The following TMEM26 variants were observed in gnomAD, a reference collection of about 807,000 sequenced individuals.
TMEM26 encodes transmembrane protein 26.
TMEM26 carries 38 observed loss-of-function variants against 28.8 expected under a neutral mutation model. That is an observed-to-expected ratio of 1.32 (90% CI 1.02 to 1.73). The LOEUF (loss-of-function observed/expected upper bound fraction) is 1.73, where lower values mean the gene tolerates loss of function less well. TMEM26 is among the 40% of genes most tolerant of loss of function. The pLI, the probability that TMEM26 is intolerant of heterozygous loss-of-function variation, is 0.00. For missense variants in TMEM26, 518 were observed against 447.1 expected (o/e 1.16, Z -1.43); for synonymous variants, 227 against 182.9 (o/e 1.24, Z -1.95).
intron 1 of TMEM26, among the ~76,000 whole-genome samples, chr10:61,447,562 T>C (rs1840205082): frequency 6.6e-6 from 1 of 152,238 alleles, no homozygotes; most frequent in African/African-American, 2.4e-5. Flanking sequence ...AGATAATTTC[T>C]AATACACAGT....
At chr10:61,415,766 A>T (rs188362909) in intron 4 of TMEM26, among the ~76,000 whole-genome samples, 2 of 152,168 alleles carry the variant, frequency 1.3e-5, no homozygotes, top group Admixed American at 1.3e-4. Context: ...ATTATGTGTG[A>T]TGCTTCATAT....
intron 1 of TMEM26, among the ~76,000 whole-genome samples, chr10:61,439,717 T>C (rs971421874): frequency 6.6e-6 from 1 of 152,206 alleles, no homozygotes; most frequent in Admixed American, 6.5e-5. Flanking sequence ...ACCCATCTCA[T>C]AGTGTAGTTA....
intron 4 of TMEM26, chr10:61,414,530 G>A (rs1284966757): frequency 6.6e-6 from 1 of 152,052 alleles, no homozygotes; most frequent in African/African-American, 2.4e-5. Flanking sequence ...GAGAGAATTT[G>A]TAAATGAGAT....
In TMEM26 at chr10:61,408,256, G is replaced by A. The variant is rs1839520284; in HGVS notation, c.*2066C>T. ...TTGACTTCCTGACCCTCTAAATAAAGCTAGACTTTGGACAGGCTTTTTATT... is the reference window on the plus strand; with the variant it reads ...TTGACTTCCTGACCCTCTAAATAAAACTAGACTTTGGACAGGCTTTTTATT... On this transcript the variant is annotated 3_prime_UTR_variant, in exon 6 of 6. Transcript: ENST00000399298. The A allele has an allele frequency of 1.3e-5, 2 of 152,100 alleles. No homozygotes were observed. Among genetic ancestry groups the A allele is most frequent in the African/African-American group, 2.4e-5 (1 of 41,402 alleles). 9.4% of individuals were successfully genotyped at this position (152,100 alleles called of 1,614,324 possible).
chr10:61,424,815 TAAAG>T (rs1839803923), intron 4 of TMEM26, among the ~76,000 whole-genome samples: 1 of 152,222 alleles, frequency 6.6e-6, no homozygotes, highest in South Asian at 2.1e-4. Flanking sequence ...GGCAATATAA[TAAAG>T]AAAGACTCCT....
rs527410845 is a variant in TMEM26, at chr10:61,421,605, T to C, written c.605+7321A>G. On this transcript the variant is annotated intron_variant, in intron 4 of 5. Coordinates refer to ENST00000399298, the MANE Select transcript of TMEM26 (RefSeq NM_178505.8). Reference sequence around the variant, plus strand: ...GACAGACACACTGGGGTGAATGCCATGTGAAGAAAGAGGGAGAAACTGGAG... The same window carrying C: ...GACAGACACACTGGGGTGAATGCCACGTGAAGAAAGAGGGAGAAACTGGAG... Among the ~76,000 whole-genome samples, 45 of 152,086 alleles carry C rather than the reference T, an allele frequency of 3.0e-4. No homozygotes were observed. The South Asian group carries it at 8.7e-3, about 29-fold the overall frequency.
At chr10:61,439,582 C>A (rs1022508937) in intron 1 of TMEM26, among the ~76,000 whole-genome samples, 2 of 152,148 alleles carry the variant, frequency 1.3e-5, no homozygotes, top group African/African-American at 4.8e-5. Flanking sequence ...TAGTGAGACC[C>A]TGTATAAATT....
chr10:61,412,501 G>A (rs937938412), intron 5 of TMEM26, among the ~76,000 whole-genome samples: 1 of 152,116 alleles, frequency 6.6e-6, no homozygotes, highest in African/African-American at 2.4e-5. Flanking sequence ...CAATTAAGGT[G>A]TAATAAATAA....
Position 61,410,414 on chromosome 10 carries a change from G to A in TMEM26, c.1015C>T (p.Gln339Ter), listed in dbSNP as rs1839549263. ...RAQTSESGPS[Q>*]RDWQNESKEG... ...TTAGACTCGTTCTGCCAGTCCCGCT[G>A]AGAGGGCCCACTCTCAGAGGTCTGT... is the stretch of plus-strand genomic sequence containing the variant. The change falls in exon 6 of 6, where the codon CAG becomes TAG. Residue 339 changes from glutamine (Q) to a stop codon, truncating the protein, a stop_gained. Transcript: ENST00000399298. LOFTEE classifies it low-confidence loss of function (END_TRUNC). 6.2e-7 allele frequency: 1 copy of A among 1,614,072 alleles called. No homozygotes were observed. The highest frequency in any genetic ancestry group is 1.3e-5 in the African/African-American group (1 of 75,010).
At chr10:61,415,328 T>A (rs1879467) in intron 4 of TMEM26, among the ~76,000 whole-genome samples, 17,742 of 152,074 alleles carry the variant, frequency 0.12, 2,031 homozygotes, top group African/African-American at 0.29. Context: ...AAATATAAGG[T>A]CTAAAATTTT....
chr10:61,449,305 C>G (rs1321073965), intron 1 of TMEM26, among the ~76,000 whole-genome samples: 3 of 151,944 alleles, frequency 2.0e-5, no homozygotes, highest in Admixed American at 6.6e-5. Context: ...TTTAGCTTAA[C>G]GGGGGACATG....
At chr10:61,440,265 G>A (rs1375219005) in intron 1 of TMEM26, among the ~76,000 whole-genome samples, 2 of 152,068 alleles carry the variant, frequency 1.3e-5, no homozygotes, top group Non-Finnish European at 2.9e-5. Flanking sequence ...AAATGACAAC[G>A]AAAACTAAAC....
chr10:61,449,093 A>T (rs1207198964), intron 1 of TMEM26, among the ~76,000 whole-genome samples: 1 of 152,260 alleles, frequency 6.6e-6, no homozygotes, highest in African/African-American at 2.4e-5. Flanking sequence ...GCCAAGTGAT[A>T]TTCATTTTCA....
At chr10:61,415,691 T>C (rs568217646) in intron 4 of TMEM26, among the ~76,000 whole-genome samples, 1 of 152,226 alleles carries the variant, frequency 6.6e-6, no homozygotes, top group East Asian at 1.9e-4. Context: ...TTATATTATT[T>C]CCATGAATGA....
chr10:61,436,627 A>G (rs1840013083), intron 1 of TMEM26, among the ~76,000 whole-genome samples: 1 of 152,232 alleles, frequency 6.6e-6, no homozygotes, highest in Non-Finnish European at 1.5e-5. Context: ...TCTTGAATTT[A>G]TTAGACATTA....
chr10:61,411,243 T>A (rs936752550), intron 5 of TMEM26, among the ~76,000 whole-genome samples: 5 of 152,160 alleles, frequency 3.3e-5, no homozygotes, highest in Non-Finnish European at 7.4e-5. Flanking sequence ...CACGGTTTCT[T>A]CCTTTGAAAA....
rs1491107654 is a variant in TMEM26, at chr10:61,452,897, TAG to T, written c.183_184del (p.Tyr62GlnfsTer13). 3.1e-6 allele frequency: 5 copies of T among 1,612,804 alleles called. No homozygotes were observed. Among genetic ancestry groups the T allele is most frequent in the Non-Finnish European group, 4.2e-6 (5 of 1,179,030 alleles). ...TTTCCCGGGGCACTCTCACCATTTG[TAG>T]CCTCTGCCGCGCTTGAACTTGAGGG... On this transcript the variant is annotated frameshift_variant, in exon 1 of 6. Coordinates refer to ENST00000399298, the MANE Select transcript of TMEM26 (RefSeq NM_178505.8). LOFTEE classifies it high-confidence loss of function.
intron 1 of TMEM26, among the ~76,000 whole-genome samples, chr10:61,439,821 T>C (rs1237787904): frequency 1.3e-5 from 2 of 152,176 alleles, no homozygotes; most frequent in Admixed American, 1.3e-4. Context: ...GCTCTGAAAA[T>C]GTACTCACAG....
chr10:61,420,440 C>T (rs761813682), intron 4 of TMEM26, among the ~76,000 whole-genome samples: 1 of 151,916 alleles, frequency 6.6e-6, no homozygotes, highest in Admixed American at 6.6e-5. Flanking sequence ...GCGTATACAT[C>T]GACCCACACA....
Sources: allele counts gnomAD v4.1 joint callset (sites outside exome capture counted in the v4.1 genomes callset), GRCh38; gene constraint gnomAD v4.1.1; transcripts MANE v1.5; gene names NCBI Gene and HGNC (gene_info 2026-07-23, HGNC 2026-07-21).